Variants in MGAM2 observed in about 807,000 individuals in gnomAD.
The protein encoded by MGAM2 is probable maltase-glucoamylase 2.
In MGAM2, 98 loss-of-function variants were observed where a neutral mutation model predicts 96.1. The ratio of observed to expected loss-of-function variants is 1.02; its 90% CI spans 0.87 to 1.21. MGAM2 has a LOEUF of 1.21. MGAM2 is among the 50% of genes most tolerant of loss of function. The pLI, the probability that MGAM2 is intolerant of heterozygous loss-of-function variation, is 0.00. For missense variants in MGAM2, 2,055 were observed against 1,182.4 expected, an observed-to-expected ratio of 1.74 and a Z score of -10.82; for synonymous variants, 749 against 414.8, an observed-to-expected ratio of 1.81 and a Z score of -9.79.
At chr7:142,196,086 C>T in intron 37 of MGAM2, 68 bp from the exon 38 acceptor site, 2 of 741,270 alleles carry the variant, frequency 2.7e-6, no homozygotes, top group South Asian at 2.9e-5. Flanking sequence ...TCTCATGCTC[C>T]AAGCTGCAGT....
chr7:142,175,540 G>A, intron 31 of MGAM2, 112 bp from the exon 32 acceptor site: 2 of 620,314 alleles, frequency 3.2e-6, no homozygotes, highest in East Asian at 2.8e-5. Flanking sequence ...AATGAAGAGG[G>A]GCCTGGAATG....
chr7:142,143,355 AT>A (rs770889150), intron 12 of MGAM2, among the ~76,000 whole-genome samples: 2 of 152,034 alleles, frequency 1.3e-5, no homozygotes, highest in African/African-American at 2.4e-5. Context: ...TATGCCAAAA[AT>A]ATCAACACAT....
chr7:142,135,216 G>A (rs1474714382), intron 7 of MGAM2, among the ~76,000 whole-genome samples: 1 of 152,146 alleles, frequency 6.6e-6, no homozygotes. Context: ...TACCAGCATC[G>A]GATACAATGG....
In MGAM2 at chr7:142,134,047, C is replaced by G. The variant is rs769676988; in HGVS notation, c.642C>G (p.Pro214=). 1 of 756,760 alleles carries G rather than the reference C, an allele frequency of 1.3e-6. No homozygotes were observed. Among genetic ancestry groups the G allele is most frequent in the Non-Finnish European group, 2.4e-6 (1 of 413,250 alleles). 46.9% of individuals were successfully genotyped at this position (756,760 alleles called of 1,614,324 possible). A position where few individuals can be genotyped will look rare whatever the true frequency, so the allele number is the denominator to read the frequency against. ...QQYLQLSFRL[P]SANVYGLGEH... ...ACCTGCAACTGTCTTTCCGACTGCC[C>G]AGTGCCAATGTGTATGGGCTGGGAG... The change falls in exon 7 of 48, where the codon CCC becomes CCG. Residue 214 remains proline (P), a synonymous_variant. Transcript: ENST00000477922.
At chr7:142,134,324 A>G (rs1359592248) in intron 7 of MGAM2, among the ~76,000 whole-genome samples, 172 bp downstream of exon 7, 1 of 152,240 alleles carries the variant, frequency 6.6e-6, no homozygotes, top group Non-Finnish European at 1.5e-5. Flanking sequence ...AATATTAAAA[A>G]TAAAAAAAAT....
At position 142,161,216 on chromosome 7, in the gene MGAM2, A is replaced by G. The variant is rs1563267754; in HGVS notation, c.2434+3A>G. 4 of 702,030 alleles carry G rather than the reference A, an allele frequency of 5.7e-6. No homozygotes were observed. Among genetic ancestry groups the G allele is most frequent in the Admixed American group, 4.0e-5 (2 of 49,964 alleles). 43.5% of individuals were successfully genotyped at this position (702,030 alleles called of 1,614,324 possible). Reference sequence around the variant, plus strand: ...CTGGGATGACGGTGTATCTAAAGGTAGACTTTCTCAAGGCACCATCCCTGT... The same window carrying G: ...CTGGGATGACGGTGTATCTAAAGGTGGACTTTCTCAAGGCACCATCCCTGT... On this transcript the variant is annotated splice_donor_region_variant and intron_variant, in intron 22 of 47. Transcript: ENST00000477922.
At chr7:142,157,433 C>A (rs973305743) in intron 17 of MGAM2, among the ~76,000 whole-genome samples, 1 of 151,062 alleles carries the variant, frequency 6.6e-6, no homozygotes, top group East Asian at 1.9e-4. Flanking sequence ...CATTCTGTTG[C>A]CAGTTTGGAG....
At chr7:142,168,196 T>C (rs1796084081) in intron 26 of MGAM2, among the ~76,000 whole-genome samples, 1 of 152,090 alleles carries the variant, frequency 6.6e-6, no homozygotes, top group Non-Finnish European at 1.5e-5. Flanking sequence ...AAACCCAGAT[T>C]TCTTGCCCTC....
In MGAM2 at chr7:142,161,216, AG is replaced by A; in HGVS notation, c.2434+4del. 1 of 702,148 alleles carries A rather than the reference AG, an allele frequency of 1.4e-6. No individual in the cohort carries two copies. The allele number at this position is 702,148 out of a possible 1,614,324, so 43.5% of individuals were successfully genotyped here. On this transcript the variant is annotated splice_donor_region_variant and intron_variant, in intron 22 of 47. Transcript: ENST00000477922. The stretch of plus-strand genomic sequence containing the variant: ...CTGGGATGACGGTGTATCTAAAGGT[AG>A]ACTTTCTCAAGGCACCATCCCTGTG...
chr7:142,177,689 A>G (rs1343494911), intron 32 of MGAM2, among the ~76,000 whole-genome samples: 2 of 152,162 alleles, frequency 1.3e-5, no homozygotes, highest in Non-Finnish European at 2.9e-5. Flanking sequence ...TGTTGCTGCA[A>G]AGAGCATAAT....
At chr7:142,142,524 G>GTTTTTTTTTTTTTTT (rs746342532) in intron 12 of MGAM2, among the ~76,000 whole-genome samples, 13 of 78,906 alleles carry the variant, frequency 1.6e-4, no homozygotes, top group East Asian at 4.4e-4. Context: ...AGTGGTGTGT[G>GTTTTTTTTTTTTTTT]TTTTTTTTTT....
At chr7:142,141,636 A>T (rs9640360) in intron 12 of MGAM2, among the ~76,000 whole-genome samples, 56,748 of 151,788 alleles carry the variant, frequency 0.37, 11,239 homozygotes, top group East Asian at 0.48. Flanking sequence ...AGTAGCTGGG[A>T]TTACAGGCAC....
In MGAM2 at chr7:142,161,147, A is replaced by T. The variant is rs573431704; in HGVS notation, c.2368A>T (p.Ile790Phe). The T allele has an allele frequency of 4.7e-5, 33 of 702,752 alleles. No homozygotes were observed. The highest frequency in any genetic ancestry group is 4.6e-4 in the Middle Eastern group (2 of 4,368). 43.5% of individuals were successfully genotyped at this position (702,752 alleles called of 1,614,324 possible). Residue 790 changes from isoleucine (I) to phenylalanine (F), a missense_variant, in exon 22 of 48, where the codon ATC becomes TTC. Transcript: ENST00000477922. ...EASRRNSLGL[I>F]IALDYKREAK... is the part of the protein sequence containing the mutation. Reference sequence around the variant, plus strand: ...CAGCCGGAGGAATTCCCTGGGACTCATCATCGCCTTGGACTATAAGAGAGA... The same window carrying T: ...CAGCCGGAGGAATTCCCTGGGACTCTTCATCGCCTTGGACTATAAGAGAGA...
chr7:142,185,965 T>C lies in MGAM2; in HGVS notation c.3988-24T>C, dbSNP rs753062757. On this transcript the variant is annotated intron_variant, in intron 34 of 47. Transcript: ENST00000477922. ...CCTGTATAGGCTGAGACCCCGACAA[T>C]GAGAGTGTGTGTTATTCTTACAGCT... 10 of 701,886 alleles carry C rather than the reference T, an allele frequency of 1.4e-5. No homozygotes were observed. The South Asian group carries it at 1.5e-4, about 10-fold the overall frequency. 43.5% of individuals were successfully genotyped at this position (701,886 alleles called of 1,614,324 possible).
intron 32 of MGAM2, among the ~76,000 whole-genome samples, chr7:142,180,147 A>G (rs9640363): frequency 0.2 from 29,666 of 152,054 alleles, 3,117 homozygotes; most frequent in East Asian, 0.34. Flanking sequence ...TGTGCATAGA[A>G]ATGTTCATAA....
At chr7:142,168,177 A>G (rs1796083419) in intron 26 of MGAM2, among the ~76,000 whole-genome samples, 2 of 152,082 alleles carry the variant, frequency 1.3e-5, no homozygotes, top group South Asian at 4.1e-4. Flanking sequence ...TCACCTTCAG[A>G]TCATTTTAAA....
rs1795440940 is a variant in MGAM2, at chr7:142,148,068, A to G, written c.1634+495A>G. Among the ~76,000 whole-genome samples the G allele has an allele frequency of 6.6e-6, 1 of 151,732 alleles. No homozygotes were observed. Among genetic ancestry groups the G allele is most frequent in the African/African-American group, 2.4e-5 (1 of 41,246 alleles). ...CCAATGTCCTGCTTGTCTACCTCAT[A>G]ATTCTCCCTTCTGCCCTAAGACACA... On this transcript the variant is annotated intron_variant, in intron 15 of 47. Coordinates refer to ENST00000477922, the MANE Select transcript of MGAM2 (RefSeq NM_001293626.2). This position sits in a 1 kb window ranked among gnomAD's most constrained non-coding sequence, Gnocchi z 4.2.
intron 32 of MGAM2, among the ~76,000 whole-genome samples, chr7:142,178,460 T>G (rs1796442269): frequency 2.6e-5 from 4 of 152,146 alleles, no homozygotes; most frequent in Non-Finnish European, 5.9e-5. Context: ...TTTCCTAGAT[T>G]TTCTTCTAGG....
chr7:142,153,257 C>T (rs1795638742), intron 15 of MGAM2, among the ~76,000 whole-genome samples: 1 of 152,186 alleles, frequency 6.6e-6, no homozygotes, highest in Non-Finnish European at 1.5e-5. Context: ...GCCTCAGCCT[C>T]CCAAAGTGCT....
Sources: allele counts gnomAD v4.1 joint callset (sites outside exome capture counted in the v4.1 genomes callset), GRCh38; gene constraint gnomAD v4.1.1; non-coding constraint Gnocchi (gnomAD v3.1); transcripts MANE v1.5; gene names NCBI Gene and HGNC (gene_info 2026-07-23, HGNC 2026-07-21).